DCC: variants seen among roughly 807,000 people sequenced by gnomAD.
DCC encodes the protein DCC netrin 1 receptor.
Under a neutral mutation model 172.5 loss-of-function variants are expected in DCC, and 58 were observed. The observed-to-expected ratio is 0.34, with a 90% CI of 0.27 to 0.42. The LOEUF (loss-of-function observed/expected upper bound fraction) is 0.42, where lower values mean the gene tolerates loss of function less well. DCC is among the 10% of genes least tolerant of loss of function. The pLI is 1.00. For synonymous variants in DCC, 709 were observed against 644.5 expected, an observed-to-expected ratio of 1.10 and a Z score of -1.52; for missense variants, 1,740 against 1,791.0, an observed-to-expected ratio of 0.97 and a Z score of 0.51.
chr18:52,658,361 T>A (rs2035294396), intron 1 of DCC, among the ~76,000 whole-genome samples: 1 of 152,190 alleles, frequency 6.6e-6, no homozygotes, highest in African/African-American at 2.4e-5. Flanking sequence ...TTTTTTAAAA[T>A]AAATGATCAA....
chr18:53,193,714 A>C (rs1026617306), intron 9 of DCC, among the ~76,000 whole-genome samples: 13 of 152,338 alleles, frequency 8.5e-5, no homozygotes, highest in Middle Eastern at 3.4e-3. Flanking sequence ...TGTTAGGAGA[A>C]TAGAGTGCTA....
At chr18:53,258,773 CTT>C in intron 12 of DCC, among the ~76,000 whole-genome samples, 1 of 152,238 alleles carries the variant, frequency 6.6e-6, no homozygotes, top group Admixed American at 6.5e-5. Flanking sequence ...TCCTTTTTAA[CTT>C]TCTGTCTCTT....
chr18:53,463,686 T>A (rs1312679019), intron 24 of DCC, among the ~76,000 whole-genome samples: 1 of 152,190 alleles, frequency 6.6e-6, no homozygotes, highest in Non-Finnish European at 1.5e-5. Flanking sequence ...GGTTAAATAA[T>A]GTGCCCAGAT....
chr18:53,007,910 G>A (rs1306789776), intron 5 of DCC, among the ~76,000 whole-genome samples: 2 of 152,076 alleles, frequency 1.3e-5, no homozygotes, highest in African/African-American at 2.4e-5. Flanking sequence ...TCATTCAAAT[G>A]CTGGTGATTT....
intron 12 of DCC, among the ~76,000 whole-genome samples, chr18:53,251,196 T>A (rs1292117277): frequency 6.6e-6 from 1 of 151,950 alleles, no homozygotes; most frequent in East Asian, 1.9e-4. Context: ...TTAAAGCACC[T>A]CTGTGATTCT....
chr18:52,415,426 G>C (rs1354694492), intron 1 of DCC, among the ~76,000 whole-genome samples: 1 of 152,194 alleles, frequency 6.6e-6, no homozygotes, highest in Non-Finnish European at 1.5e-5. Context: ...ATTGCCATTT[G>C]ACACAATTAT....
intron 1 of DCC, among the ~76,000 whole-genome samples, chr18:52,433,110 TAA>T (rs1375986109): frequency 1.3e-5 from 2 of 152,234 alleles, no homozygotes; most frequent in African/African-American, 4.8e-5. Context: ...TATTCATTTT[TAA>T]TATCCCTGAA....
chr18:52,785,957 C>T (rs1442479929), intron 2 of DCC, among the ~76,000 whole-genome samples: 1 of 151,996 alleles, frequency 6.6e-6, no homozygotes, highest in African/African-American at 2.4e-5. Flanking sequence ...ACTATTATCC[C>T]TGCTATAAGG....
At chr18:53,021,791 C>G (rs1251894865) in intron 5 of DCC, among the ~76,000 whole-genome samples, 1 of 152,166 alleles carries the variant, frequency 6.6e-6, no homozygotes, top group East Asian at 1.9e-4. Context: ...AGAAAAATAA[C>G]TTGGATGACT....
intron 5 of DCC, among the ~76,000 whole-genome samples, chr18:52,975,504 C>T (rs1298813791): frequency 6.6e-6 from 1 of 152,156 alleles, no homozygotes; most frequent in Admixed American, 6.6e-5. Flanking sequence ...GATCCTCTCC[C>T]TCCTCCCACC....
intron 3 of DCC, among the ~76,000 whole-genome samples, chr18:52,920,035 A>G (rs2040097348): frequency 6.6e-6 from 1 of 151,748 alleles, no homozygotes; most frequent in Admixed American, 6.6e-5. Flanking sequence ...AAAAAAAAAA[A>G]AAGAATCCAG....
At chr18:53,207,346 A>G (rs574755553) in intron 10 of DCC, among the ~76,000 whole-genome samples, 1 of 152,318 alleles carries the variant, frequency 6.6e-6, no homozygotes, top group East Asian at 1.9e-4. Flanking sequence ...TACAGGAGAA[A>G]ATCTCTGTTC....
In DCC at chr18:53,109,330, A is replaced by G. The variant is rs773886396; in HGVS notation, c.1261+43164A>G. Among the ~76,000 whole-genome samples the G allele has an allele frequency of 1.6e-4, 25 of 151,676 alleles. No individual in the cohort carries two copies. The East Asian group carries it at 2.5e-3, about 15-fold the overall frequency. ...ATATTTTATAATATTTAATAATTCA[A>G]TCTTCCAATACTGGATATCTGGTAT... On this transcript the variant is annotated intron_variant, in intron 7 of 28. Coordinates refer to ENST00000442544, the MANE Select transcript of DCC (RefSeq NM_005215.4).
At chr18:53,167,202 C>T (rs1167949118) in intron 8 of DCC, among the ~76,000 whole-genome samples, 2 of 152,180 alleles carry the variant, frequency 1.3e-5, no homozygotes, top group Non-Finnish European at 2.9e-5. Context: ...CTCTGAGGCA[C>T]TTAGGCAAGA....
In DCC at chr18:52,795,253, C is replaced by A. The variant is rs140655582; in HGVS notation, c.412+42879C>A. 2.6e-4 allele frequency among the ~76,000 whole-genome samples: 39 copies of A among 152,090 alleles called. No homozygotes were observed. The East Asian group carries it at 6.6e-3, about 26-fold the overall frequency. ...AAATGCAGAATTAAAGCCATTCAGT[C>A]CTGAACTTTTCTTTATTGGGACGCA... On this transcript the variant is annotated intron_variant, in intron 2 of 28. Transcript: ENST00000442544.
chr18:53,246,340 G>T (rs2056364799), intron 12 of DCC, among the ~76,000 whole-genome samples: 1 of 151,780 alleles, frequency 6.6e-6, no homozygotes, highest in Non-Finnish European at 1.5e-5. Flanking sequence ...ACTATTAACT[G>T]GCTTCCTAGG....
intron 12 of DCC, among the ~76,000 whole-genome samples, chr18:53,271,688 C>A (rs756783903): frequency 6.6e-6 from 1 of 152,094 alleles, no homozygotes; most frequent in Non-Finnish European, 1.5e-5. Flanking sequence ...CTTTTGTGAC[C>A]TTTTTGTAAC....
intron 25 of DCC, among the ~76,000 whole-genome samples, chr18:53,480,110 T>C (rs2045814206): frequency 6.6e-6 from 1 of 152,192 alleles, no homozygotes; most frequent in Non-Finnish European, 1.5e-5. Context: ...CACAACTATT[T>C]CATATATCTG....
At position 53,069,206 on chromosome 18, in the gene DCC, C is replaced by T. The variant is rs188700644; in HGVS notation, c.1261+3040C>T. 7.5e-4 allele frequency among the ~76,000 whole-genome samples: 114 copies of T among 152,168 alleles called. 1 individual carries two copies. The highest frequency in any genetic ancestry group is 1.0e-3 in the Non-Finnish European group (70 of 68,010). ...TAAACAGGAAATCTTAGAGGCCTTC[C>T]CAGAAGAGGGGTTAATCAGAAGCCA... is the stretch of plus-strand genomic sequence containing the variant. On this transcript the variant is annotated intron_variant, in intron 7 of 28. Coordinates refer to ENST00000442544, the MANE Select transcript of DCC (RefSeq NM_005215.4).
Sources: gnomAD v4.1 joint callset for allele counts (sites outside exome capture counted in the v4.1 genomes callset) on GRCh38, gnomAD v4.1.1 for gene constraint, MANE v1.5 for transcripts, NCBI Gene and HGNC (gene_info 2026-07-23, HGNC 2026-07-21) for gene names.